The following HECW2 variants were observed in gnomAD, a reference collection of about 807,000 sequenced individuals.
HECW2 encodes the protein HECT, C2 and WW domain containing E3 ubiquitin protein ligase 2, also known as E3 ubiquitin-protein ligase HECW2.
HECW2 carries 61 observed loss-of-function variants against 175.2 expected under a neutral mutation model. That is an observed-to-expected ratio of 0.35 (90% CI 0.28 to 0.43). HECW2 has a LOEUF of 0.43. Among genes scored for constraint, HECW2 ranks in the 20% least tolerant of loss-of-function variants. HECW2 has a pLI of 1.00. For missense variants in HECW2, 1,524 were observed against 2,000.5 expected, an observed-to-expected ratio of 0.76 and a Z score of 4.54; for synonymous variants, 671 against 731.0, an observed-to-expected ratio of 0.92 and a Z score of 1.32.
intron 18 of HECW2, among the ~76,000 whole-genome samples, chr2:196,255,479 T>C (rs970314305): frequency 2.0e-5 from 3 of 152,152 alleles, no homozygotes; most frequent in African/African-American, 7.2e-5. Context: ...AAAAGATACA[T>C]GAAACACAAA....
At chr2:196,211,336 T>G (rs1386743036) in intron 28 of HECW2, among the ~76,000 whole-genome samples, 1 of 152,138 alleles carries the variant, frequency 6.6e-6, no homozygotes, top group Non-Finnish European at 1.5e-5. Context: ...TACTCTCTTT[T>G]CATAAAGTCC....
intron 2 of HECW2, among the ~76,000 whole-genome samples, chr2:196,344,548 C>T (rs1267022513): frequency 1.3e-5 from 2 of 151,878 alleles, no homozygotes; most frequent in Non-Finnish European, 2.9e-5. Context: ...CAGACTCTGC[C>T]CCCAGCACCC....
chr2:196,245,269 C>G (rs1688604902), intron 19 of HECW2, among the ~76,000 whole-genome samples: 1 of 152,150 alleles, frequency 6.6e-6, no homozygotes, highest in African/African-American at 2.4e-5. Flanking sequence ...TTGAGAAATC[C>G]TCACAAGTCT....
chr2:196,222,407 G>GAATTAT, intron 23 of HECW2, 67 bp from the exon 24 acceptor site: 1 of 1,452,162 alleles, frequency 6.9e-7, no homozygotes, highest in South Asian at 1.2e-5. Flanking sequence ...AGAGTCATAA[G>GAATTAT]GAAAGAAACT....
intron 19 of HECW2, among the ~76,000 whole-genome samples, chr2:196,246,124 T>C (rs997133733): frequency 1.1e-4 from 17 of 152,142 alleles, no homozygotes; most frequent in African/African-American, 4.1e-4. Flanking sequence ...CCGAAAGGCA[T>C]AATTTGCAAC....
At position 196,319,443 on chromosome 2, in the gene HECW2, C is replaced by T. The variant is rs774034623; in HGVS notation, c.1447G>A (p.Glu483Lys). The T allele has an allele frequency of 1.5e-5, 25 of 1,613,786 alleles. No homozygotes were observed. In the South Asian group the frequency reaches 2.7e-4, roughly 18 times the overall value. Residue 483 changes from glutamate (E) to lysine (K), a missense_variant, in exon 9 of 29, where the codon GAG (glutamate) becomes AAG (lysine). Glu to Lys is a moderately conservative substitution (Grantham distance 56). Transcript: ENST00000644978. Reference protein sequence around the residue: ...QQDLGYPSSLEEEGGLIMFSR... With the variant: ...QQDLGYPSSLKEEGGLIMFSR... The stretch of plus-strand genomic sequence containing the variant: ...AACATGATCAGGCCTCCCTCCTCCT[C>T]CAAGGAAGATGGGTAACCCAGGTCT...
intron 1 of HECW2, among the ~76,000 whole-genome samples, chr2:196,465,635 C>G (rs1696921039): frequency 6.6e-6 from 1 of 151,598 alleles, no homozygotes; most frequent in South Asian, 2.1e-4. Context: ...GATTAGTAAA[C>G]TTTCTCTACA....
chr2:196,235,645 A>ATT (rs1559454147), intron 21 of HECW2, among the ~76,000 whole-genome samples: 5 of 100,494 alleles, frequency 5.0e-5, no homozygotes, highest in African/African-American at 1.2e-4. Flanking sequence ...TAGATGCATT[A>ATT]TTCTTTTTTT....
chr2:196,580,723 A>C (rs1014630059), intron 1 of HECW2, among the ~76,000 whole-genome samples: 10 of 152,104 alleles, frequency 6.6e-5, no homozygotes, highest in Admixed American at 5.9e-4. Context: ...AGAATATAAA[A>C]TGTTGCACCT....
At chr2:196,251,905 T>C (rs766301732) in intron 19 of HECW2, among the ~76,000 whole-genome samples, 3 of 151,944 alleles carry the variant, frequency 2.0e-5, no homozygotes, top group East Asian at 1.9e-4. Flanking sequence ...ACATGGACAA[T>C]AGAATAGGGC....
intron 15 of HECW2, among the ~76,000 whole-genome samples, chr2:196,278,133 A>AAAAAAATATATATATATATATATAT (rs531920307): frequency 1.5e-5 from 1 of 66,552 alleles, no homozygotes; most frequent in South Asian, 6.4e-4. Flanking sequence ...ATAATTAAAA[A>AAAAAAATATATATATATATATATAT]ATATATATAT....
At chr2:196,483,200 T>C (rs1686900775) in intron 1 of HECW2, among the ~76,000 whole-genome samples, 1 of 151,442 alleles carries the variant, frequency 6.6e-6, no homozygotes, top group Non-Finnish European at 1.5e-5. Context: ...AACAATAATA[T>C]GGGATTGAAA....
chr2:196,246,864 G>C (rs966385259), intron 19 of HECW2, among the ~76,000 whole-genome samples: 1 of 152,124 alleles, frequency 6.6e-6, no homozygotes, highest in South Asian at 2.1e-4. Context: ...TAGGTAAAGG[G>C]ATTTAATTAT....
At chr2:196,517,098 T>C in intron 1 of HECW2, among the ~76,000 whole-genome samples, 1 of 152,214 alleles carries the variant, frequency 6.6e-6, no homozygotes, top group East Asian at 1.9e-4. Context: ...CAAGCCAGTG[T>C]CCTGGTGAAA....
chr2:196,328,441 C>T (rs1692235473), intron 5 of HECW2, among the ~76,000 whole-genome samples: 1 of 152,150 alleles, frequency 6.6e-6, no homozygotes, highest in Admixed American at 6.5e-5. Context: ...AAAAAGCAAG[C>T]TCATATGGGA....
intron 1 of HECW2, among the ~76,000 whole-genome samples, chr2:196,535,395 T>C (rs1056928191): frequency 4.6e-5 from 7 of 152,238 alleles, no homozygotes; most frequent in Non-Finnish European, 1.0e-4. Flanking sequence ...ATGTTAAACA[T>C]GTAATACCAT....
At chr2:196,481,693 ATAAC>A (rs1686849551) in intron 1 of HECW2, among the ~76,000 whole-genome samples, 1 of 152,256 alleles carries the variant, frequency 6.6e-6, no homozygotes, top group South Asian at 2.1e-4. Context: ...ACAATAAAAA[ATAAC>A]TATCACAAGA....
chr2:196,428,501 C>T (rs889491347), intron 2 of HECW2, among the ~76,000 whole-genome samples: 1 of 152,150 alleles, frequency 6.6e-6, no homozygotes, highest in African/African-American at 2.4e-5. Context: ...CACTTCCTCT[C>T]CAAATGTATC....
intron 2 of HECW2, among the ~76,000 whole-genome samples, chr2:196,418,631 G>T (rs1190419557): frequency 6.6e-6 from 1 of 152,052 alleles, no homozygotes; most frequent in African/African-American, 2.4e-5. Flanking sequence ...GGAAACAAGA[G>T]AATAAGAAAA....
Sources: allele counts gnomAD v4.1 joint callset (sites outside exome capture counted in the v4.1 genomes callset), GRCh38; gene constraint gnomAD v4.1.1; transcripts MANE v1.5; gene names NCBI Gene and HGNC (gene_info 2026-07-23, HGNC 2026-07-21).